Variants in TRAF3 observed in about 807,000 individuals in gnomAD.
TRAF3 encodes TNF receptor-associated factor 3.
Under a neutral mutation model 62.3 loss-of-function variants are expected in TRAF3, and 13 were observed. That is an observed-to-expected ratio of 0.21 (90% CI 0.14 to 0.33). The LOEUF is 0.33. TRAF3 is among the 10% of genes least tolerant of loss of function. TRAF3 has a pLI of 1.00. For missense variants in TRAF3, 440 were observed against 741.8 expected, an observed-to-expected ratio of 0.59 and a Z score of 4.73; for synonymous variants, 269 against 283.4, an observed-to-expected ratio of 0.95 and a Z score of 0.51.
At chr14:102,811,363 T>G (rs967182155) in intron 1 of TRAF3, among the ~76,000 whole-genome samples, 4 of 150,816 alleles carry the variant, frequency 2.7e-5, no homozygotes, top group Non-Finnish European at 4.4e-5. Flanking sequence ...GCAGTGGCTA[T>G]TCACAGGTGC....
intron 11 of TRAF3, among the ~76,000 whole-genome samples, chr14:102,904,824 AAAAAG>A (rs1203638550): frequency 1.3e-5 from 2 of 149,576 alleles, no homozygotes; most frequent in African/African-American, 4.9e-5. Context: ...AAAAAAAAAA[AAAAAG>A]AGCCAGGCAC....
In TRAF3 at chr14:102,825,679, C is replaced by T. The variant is rs1474250357; in HGVS notation, c.-156-4655C>T. 3.9e-5 allele frequency among the ~76,000 whole-genome samples: 6 copies of T among 152,376 alleles called. No homozygotes were observed. In the East Asian group the frequency reaches 5.8e-4, roughly 15 times the overall value. On this transcript the variant is annotated intron_variant, in intron 1 of 11. Coordinates refer to ENST00000392745, the MANE Select transcript of TRAF3 (RefSeq NM_145725.3). ...CAATGGGGGAAGAGTCATCCTGCAG[C>T]GCTGCCACCACTGGAGGCTGGTGAG...
chr14:102,822,172 A>G (rs1251543286), intron 1 of TRAF3, among the ~76,000 whole-genome samples: 1 of 152,236 alleles, frequency 6.6e-6, no homozygotes, highest in Non-Finnish European at 1.5e-5. Context: ...TTCTGGGAAA[A>G]TGTTAAATGG....
chr14:102,871,950 G>A lies in TRAF3; in HGVS notation c.279G>A (p.Glu93=). Residue 93 remains glutamate, a synonymous_variant, in exon 4 of 12, where the codon GAG becomes GAA. Transcript: ENST00000392745. ...SSSPKCTACQ[E]SIVKDKVFKD... The stretch of plus-strand genomic sequence containing the variant: ...GTCCAAAATGTACAGCGTGTCAAGA[G>A]AGCATCGTTAAAGATAAGGTATTCT... 3 of 1,614,212 alleles carry A rather than the reference G, an allele frequency of 1.9e-6. No individual in the cohort carries two copies. The highest frequency in any genetic ancestry group is 2.5e-6 in the Non-Finnish European group (3 of 1,180,028).
chr14:102,810,868 A>G (rs1017101006), intron 1 of TRAF3: 2 of 152,124 alleles, frequency 1.3e-5, no homozygotes, highest in Non-Finnish European at 2.9e-5. Context: ...TAGAAAAGGT[A>G]CCCCGAGTCC....
At position 102,826,900 on chromosome 14, in the gene TRAF3, C is replaced by T. The variant is rs1900350110; in HGVS notation, c.-156-3434C>T. Among the ~76,000 whole-genome samples the T allele has an allele frequency of 6.6e-6, 1 of 152,136 alleles. No individual in the cohort carries two copies. Among genetic ancestry groups the T allele is most frequent in the African/African-American group, 2.4e-5 (1 of 41,428 alleles). On this transcript the variant is annotated intron_variant, in intron 1 of 11. Coordinates refer to ENST00000392745, the MANE Select transcript of TRAF3 (RefSeq NM_145725.3). The surrounding 1 kb of genome is among the most constrained non-coding windows in gnomAD (Gnocchi z 4.6). Reference sequence around the variant, plus strand: ...CCCTGCTGTGTCCATGCCCTGGTGCCTCCCCGTGGTCACCATGTGCCTTGG... The same window carrying T: ...CCCTGCTGTGTCCATGCCCTGGTGCTTCCCCGTGGTCACCATGTGCCTTGG...
chr14:102,788,533 C>T (rs926322380), intron 1 of TRAF3, among the ~76,000 whole-genome samples: 3 of 152,158 alleles, frequency 2.0e-5, no homozygotes, highest in African/African-American at 7.2e-5. Flanking sequence ...GGTGTGGTGT[C>T]TCACGCCTGT....
intron 2 of TRAF3, among the ~76,000 whole-genome samples, chr14:102,861,551 C>T (rs1366406398): frequency 6.6e-6 from 1 of 152,166 alleles, no homozygotes; most frequent in Non-Finnish European, 1.5e-5. Context: ...TACCCAAGGT[C>T]GGCCAATCAG....
At position 102,909,773 on chromosome 14, in the gene TRAF3, C is replaced by T. The variant is rs1393500874; in HGVS notation, c.*3989C>T. ...CCACGTCAGCCTGCTCCAGGGTCCT[C>T]AGTCACCCTGGGCCAGGGGCCACGT... On this transcript the variant is annotated 3_prime_UTR_variant, in exon 12 of 12. Transcript: ENST00000392745. The T allele has an allele frequency of 6.6e-6, 1 of 152,278 alleles. No homozygotes were observed. The highest frequency in any genetic ancestry group is 1.9e-4 in the East Asian group (1 of 5,192). 9.4% of individuals were successfully genotyped at this position (152,278 alleles called of 1,614,324 possible).
At chr14:102,820,197 T>C (rs1023046098) in intron 1 of TRAF3, among the ~76,000 whole-genome samples, 6 of 152,110 alleles carry the variant, frequency 3.9e-5, no homozygotes, top group Non-Finnish European at 5.9e-5. Context: ...GGGCACTGCA[T>C]TGTGACGCAG....
At chr14:102,830,848 C>CT (rs1900638343) in intron 2 of TRAF3, among the ~76,000 whole-genome samples, 1 of 152,194 alleles carries the variant, frequency 6.6e-6, no homozygotes, top group East Asian at 1.9e-4. Flanking sequence ...GAATCACCAC[C>CT]TGTTAAATCA....
intron 3 of TRAF3, among the ~76,000 whole-genome samples, chr14:102,871,645 T>C (rs949762431): frequency 6.6e-6 from 1 of 152,254 alleles, no homozygotes; most frequent in African/African-American, 2.4e-5. Flanking sequence ...AAAATTTCAC[T>C]TTTACATTAA....
chr14:102,883,868 G>A (rs530391147), intron 6 of TRAF3, among the ~76,000 whole-genome samples: 1 of 152,214 alleles, frequency 6.6e-6, no homozygotes, highest in East Asian at 1.9e-4. Context: ...TTCCGCACCC[G>A]GCCTGTGCTT....
chr14:102,783,839 C>T (rs887211948), intron 1 of TRAF3, among the ~76,000 whole-genome samples: 1 of 152,148 alleles, frequency 6.6e-6, no homozygotes, highest in African/African-American at 2.4e-5. Flanking sequence ...GGGCAGGCTG[C>T]TTGGCCCCGC....
intron 2 of TRAF3, among the ~76,000 whole-genome samples, chr14:102,857,328 A>T (rs1262593569): frequency 6.6e-6 from 1 of 152,236 alleles, no homozygotes; most frequent in Non-Finnish European, 1.5e-5. Flanking sequence ...TTCCTGAAAC[A>T]TAATTTATTT....
rs1052209388 is a variant in TRAF3, at chr14:102,879,973, G to A, written c.570+3448G>A. On this transcript the variant is annotated intron_variant, in intron 6 of 11. Transcript: ENST00000392745. ...CTCTACGAAAAATAAAAATTTAGCCGGGTGTGCTGAAGCATACCTGTAGTT... is the reference window on the plus strand; with the variant it reads ...CTCTACGAAAAATAAAAATTTAGCCAGGTGTGCTGAAGCATACCTGTAGTT... 3.3e-5 allele frequency among the ~76,000 whole-genome samples: 5 copies of A among 152,060 alleles called. No homozygotes were observed. The South Asian group carries it at 1.0e-3, about 32-fold the overall frequency.
intron 1 of TRAF3, among the ~76,000 whole-genome samples, chr14:102,778,274 T>C (rs1283534701): frequency 6.6e-6 from 1 of 151,604 alleles, no homozygotes. Flanking sequence ...GGGCGGCTCC[T>C]GGCCGCGGGC....
At chr14:102,834,553 G>T (rs187686884) in intron 2 of TRAF3, among the ~76,000 whole-genome samples, 1,915 of 152,082 alleles carry the variant, frequency 0.013, 40 homozygotes, top group African/African-American at 0.044. Context: ...CGGGCGTGGT[G>T]GCGGGCGCCT....
intron 2 of TRAF3, among the ~76,000 whole-genome samples, chr14:102,830,887 G>A (rs1019110107): frequency 2.0e-5 from 3 of 152,188 alleles, no homozygotes; most frequent in African/African-American, 7.2e-5. Context: ...TACTAAGGCA[G>A]GACAACATAG....
Sources: gnomAD v4.1 joint callset for allele counts (sites outside exome capture counted in the v4.1 genomes callset) on GRCh38, gnomAD v4.1.1 for gene constraint, Gnocchi (gnomAD v3.1) non-coding constraint, MANE v1.5 for transcripts, NCBI Gene and HGNC (gene_info 2026-07-23, HGNC 2026-07-21) for gene names.